Variants in GRAP2 observed in about 807,000 individuals in gnomAD.
The protein encoded by GRAP2 is GRB2 related adaptor protein 2, also known as GRB2-related adapter protein 2.
In GRAP2, 31 loss-of-function variants were observed where a neutral mutation model predicts 43.5. The ratio of observed to expected loss-of-function variants is 0.71; its 90% confidence interval spans 0.54 to 0.96. GRAP2 has a LOEUF of 0.96. Ranked by LOEUF, GRAP2 falls within the 40% of genes least tolerant of loss-of-function variation. The pLI, the probability that GRAP2 is intolerant of heterozygous loss-of-function variation, is 0.00. For synonymous variants in GRAP2, 156 were observed against 164.8 expected, an observed-to-expected ratio of 0.95 and a Z score of 0.41; for missense variants, 371 against 424.4, an observed-to-expected ratio of 0.87 and a Z score of 1.11.
At position 39,956,156 on chromosome 22, in the gene GRAP2, C is replaced by CT. The variant is rs546003024; in HGVS notation, c.170+263dup. ...TATTGCTATTTTAAGTTGTTCTTAA[C>CT]TTTTTTTTTTTTTTTTTGGGAGTTG... On this transcript the variant is annotated intron_variant, in intron 3 of 7. Coordinates refer to ENST00000344138, the MANE Select transcript of GRAP2 (RefSeq NM_004810.4). 1.0e-2 allele frequency among the ~76,000 whole-genome samples: 1,379 copies of CT among 137,944 alleles called. 11 individuals are homozygous for CT. The highest frequency in any genetic ancestry group is 0.027 in the African/African-American group (1,019 of 37,828). The allele number at this position is 137,944 out of a possible 152,430, so 90.5% of individuals were successfully genotyped here.
intron 2 of GRAP2, among the ~76,000 whole-genome samples, chr22:39,949,131 G>T (rs1418148734): frequency 6.6e-6 from 1 of 151,996 alleles, no homozygotes; most frequent in African/African-American, 2.4e-5. Flanking sequence ...TCAGGATGCC[G>T]AGAATCACTC....
intron 1 of GRAP2, among the ~76,000 whole-genome samples, chr22:39,940,339 T>G (rs2066854625): frequency 6.6e-6 from 1 of 151,596 alleles, no homozygotes; most frequent in Non-Finnish European, 1.5e-5. Flanking sequence ...GAAAGGCTAC[T>G]CCTTGGTCTC....
At chr22:39,969,567 G>A (rs1208961090) in intron 7 of GRAP2, 34 bp downstream of exon 7, 8 of 1,610,490 alleles carry the variant, frequency 5.0e-6, no homozygotes, top group Non-Finnish European at 6.8e-6. Context: ...GATCCCTGGG[G>A]AAAGGCCTTG....
At position 39,972,301 on chromosome 22, in the gene GRAP2, AGGCCG is replaced by A. The variant is rs1234111482; in HGVS notation, c.*1220_*1224del. 1.3e-5 allele frequency: 2 copies of A among 152,472 alleles called. No homozygotes were observed. The highest frequency in any genetic ancestry group is 2.9e-5 in the Non-Finnish European group (2 of 68,230). The allele number at this position is 152,472 out of a possible 1,614,324, so 9.4% of individuals were successfully genotyped here. ...GAGAGGAAGCTCAGGGCCTTAGGGG[AGGCCG>A]GGTGCAAACCCGTTCTGCACCAAGT... is the stretch of plus-strand genomic sequence containing the variant. On this transcript the variant is annotated 3_prime_UTR_variant, in exon 8 of 8. Coordinates refer to ENST00000344138, the MANE Select transcript of GRAP2 (RefSeq NM_004810.4).
intron 2 of GRAP2, among the ~76,000 whole-genome samples, chr22:39,951,627 A>T (rs1362802852): frequency 6.6e-6 from 1 of 152,248 alleles, no homozygotes; most frequent in South Asian, 2.1e-4. Flanking sequence ...CAAGAGTAAA[A>T]CTTCAAGTGT....
intron 1 of GRAP2, among the ~76,000 whole-genome samples, chr22:39,938,969 A>T (rs1569203711): frequency 6.6e-6 from 1 of 152,154 alleles, no homozygotes; most frequent in East Asian, 1.9e-4. Flanking sequence ...CCTGCCGCTC[A>T]TACTGGGGGA....
intron 1 of GRAP2, among the ~76,000 whole-genome samples, chr22:39,914,828 T>A (rs113472125): frequency 0.023 from 3,543 of 152,232 alleles, 117 homozygotes; most frequent in South Asian, 0.14. Context: ...GTACGTCAAA[T>A]GAAATGAGCA....
intron 1 of GRAP2, among the ~76,000 whole-genome samples, chr22:39,911,617 G>C (rs1018718045): frequency 6.6e-6 from 1 of 152,006 alleles, no homozygotes; most frequent in Non-Finnish European, 1.5e-5. Flanking sequence ...ACATCCCTGA[G>C]AGCAGTTTTT....
chr22:39,940,866 G>A (rs1035466156), intron 1 of GRAP2, among the ~76,000 whole-genome samples: 10 of 152,182 alleles, frequency 6.6e-5, no homozygotes, highest in African/African-American at 2.4e-4. Flanking sequence ...ACTCATGAGA[G>A]ACAATGAAGA....
chr22:39,947,945 A>T (rs1184770871), intron 2 of GRAP2: 1 of 152,162 alleles, frequency 6.6e-6, no homozygotes, highest in Non-Finnish European at 1.5e-5. Context: ...CCTCTGCCTG[A>T]CCTCAGAGCA....
intron 1 of GRAP2, among the ~76,000 whole-genome samples, chr22:39,944,286 G>A (rs1230001374): frequency 2.0e-5 from 3 of 152,124 alleles, no homozygotes; most frequent in African/African-American, 7.2e-5. Context: ...GGATATAGAG[G>A]AATGGGATAT....
chr22:39,958,160 C>A (rs188445417), intron 3 of GRAP2, among the ~76,000 whole-genome samples: 1 of 152,096 alleles, frequency 6.6e-6, no homozygotes, highest in East Asian at 1.9e-4. Flanking sequence ...ACACCTCTTT[C>A]ATTTTGGCTC....
intron 1 of GRAP2, among the ~76,000 whole-genome samples, chr22:39,925,645 TTC>T (rs1208754889): frequency 6.6e-6 from 1 of 152,218 alleles, no homozygotes; most frequent in African/African-American, 2.4e-5. Context: ...CCAGTCCAAA[TTC>T]TGCTTTGAGG....
At chr22:39,919,698 A>AC (rs2066633604) in intron 1 of GRAP2, among the ~76,000 whole-genome samples, 1 of 152,240 alleles carries the variant, frequency 6.6e-6, no homozygotes, top group Non-Finnish European at 1.5e-5. Flanking sequence ...CCATAGAAGT[A>AC]CCCCACTAAA....
Position 39,901,164 on chromosome 22 carries a change from A to G in GRAP2, c.-181A>G. On this transcript the variant is annotated 5_prime_UTR_variant, in exon 1 of 8. Coordinates refer to ENST00000344138, the MANE Select transcript of GRAP2 (RefSeq NM_004810.4). ...GGAGGCACAGTTAATGGATCTGTAA[A>G]CTTGCACCCTCTTTCAGAGTGGTAC... 1.9e-6 allele frequency: 1 copy of G among 537,100 alleles called. No homozygotes were observed. Among genetic ancestry groups the G allele is most frequent in the Non-Finnish European group, 3.3e-6 (1 of 304,440 alleles). 33.3% of individuals were successfully genotyped at this position (537,100 alleles called of 1,614,324 possible).
At position 39,971,201 on chromosome 22, in the gene GRAP2, A is replaced by G. The variant is rs2067239780; in HGVS notation, c.*117A>G. ...CATCTATCTACATCTGCCTGTGTAC[A>G]CACACAACTTTTTATACTAGTAATT... On this transcript the variant is annotated 3_prime_UTR_variant, in exon 8 of 8. Transcript: ENST00000344138. 2 of 739,780 alleles carry G rather than the reference A, an allele frequency of 2.7e-6. No individual in the cohort carries two copies. The highest frequency in any genetic ancestry group is 2.2e-6 in the Non-Finnish European group (1 of 459,720). The allele number at this position is 739,780 out of a possible 1,614,324, so 45.8% of individuals were successfully genotyped here. A position where few individuals can be genotyped will look rare whatever the true frequency, so the allele number is the denominator to read the frequency against.
chr22:39,930,216 A>G (rs1416792837), intron 1 of GRAP2, among the ~76,000 whole-genome samples: 1 of 152,182 alleles, frequency 6.6e-6, no homozygotes, highest in African/African-American at 2.4e-5. Flanking sequence ...TTTCTATTGG[A>G]TAACACCATT....
chr22:39,960,086 G>T lies in GRAP2; in HGVS notation c.202G>T (p.Ala68Ser), dbSNP rs1431039150. ...TCACGAAGGCCTCTCTCGACACCAG[G>T]CAGAGAACTTACTCATGGGCAAGGA... ...WFHEGLSRHQAENLLMGKEVG... is the reference protein window; with the variant it reads ...WFHEGLSRHQSENLLMGKEVG... Residue 68 changes from alanine (A) to serine (S), a missense_variant, in exon 4 of 8, where the codon GCA (alanine) becomes TCA (serine). Physicochemically the swap from Ala to Ser is moderately conservative, Grantham distance 99. Transcript: ENST00000344138. 1 of 1,612,996 alleles carries T rather than the reference G, an allele frequency of 6.2e-7. No individual in the cohort carries two copies. Among genetic ancestry groups the T allele is most frequent in the Admixed American group, 1.7e-5 (1 of 60,022 alleles).
At chr22:39,944,524 A>C (rs2066901698) in intron 1 of GRAP2, among the ~76,000 whole-genome samples, 1 of 152,188 alleles carries the variant, frequency 6.6e-6, no homozygotes, top group Non-Finnish European at 1.5e-5. Flanking sequence ...TTTTATAAAG[A>C]GTGGGCCTGT....
Sources: gnomAD v4.1 joint callset for allele counts (sites outside exome capture counted in the v4.1 genomes callset) on GRCh38, gnomAD v4.1.1 for gene constraint, MANE v1.5 for transcripts, NCBI Gene and HGNC (gene_info 2026-07-23, HGNC 2026-07-21) for gene names.